The following BICD1 variants were observed in gnomAD, a reference collection of about 807,000 sequenced individuals.
BICD1 encodes BICD cargo adaptor 1.
Under a neutral mutation model 92.5 loss-of-function variants are expected in BICD1, and 35 were observed. The observed-to-expected ratio is 0.38, with a 90% CI of 0.29 to 0.50. The LOEUF is 0.50. Ranked by LOEUF, BICD1 falls within the 20% of genes least tolerant of loss-of-function variation. BICD1 has a pLI of 0.93. For missense variants in BICD1, 950 were observed against 1,189.8 expected (o/e 0.80, Z 2.97); for synonymous variants, 429 against 465.1 (o/e 0.92, Z 1.00).
chr12:32,363,526 T>A (rs2136324701), intron 8 of BICD1, among the ~76,000 whole-genome samples: 1 of 152,374 alleles, frequency 6.6e-6, no homozygotes, highest in Admixed American at 6.5e-5. Context: ...AATGTCTTAT[T>A]ACTGTTACTA....
chr12:32,186,734 A>T (rs1459425405), intron 1 of BICD1, among the ~76,000 whole-genome samples: 1 of 152,088 alleles, frequency 6.6e-6, no homozygotes, highest in East Asian at 1.9e-4. Context: ...TCATTTCTGA[A>T]TTTTTTTCAT....
At chr12:32,361,107 A>G (rs1939307732) in intron 8 of BICD1, among the ~76,000 whole-genome samples, 1 of 152,228 alleles carries the variant, frequency 6.6e-6, no homozygotes, top group Non-Finnish European at 1.5e-5. Context: ...GATGTCTCAG[A>G]TAAGACAAGA....
At chr12:32,219,986 A>G (rs1019181985) in intron 2 of BICD1, among the ~76,000 whole-genome samples, 6 of 152,208 alleles carry the variant, frequency 3.9e-5, no homozygotes, top group Non-Finnish European at 8.8e-5. Context: ...AAAACAAGCA[A>G]TGGGTAAAGG....
At chr12:32,291,338 AC>A (rs1009130254) in intron 2 of BICD1, among the ~76,000 whole-genome samples, 1 of 151,482 alleles carries the variant, frequency 6.6e-6, no homozygotes, top group African/African-American at 2.4e-5. Flanking sequence ...GGCATTCGAG[AC>A]CAGCTTAGGC....
intron 1 of BICD1, among the ~76,000 whole-genome samples, chr12:32,184,731 A>G (rs796434743): frequency 5.3e-5 from 8 of 152,338 alleles, no homozygotes; most frequent in African/African-American, 1.9e-4. Context: ...ATGAATTACA[A>G]CTAAGTCATC....
intron 2 of BICD1, among the ~76,000 whole-genome samples, chr12:32,242,052 CAAAA>C (rs112753735): frequency 0.033 from 4,943 of 149,694 alleles, 301 homozygotes; most frequent in African/African-American, 0.12. Flanking sequence ...AACAAACAAA[CAAAA>C]AAACAAAAAT....
chr12:32,114,117 C>A (rs11051802), intron 1 of BICD1, among the ~76,000 whole-genome samples: 1 of 152,050 alleles, frequency 6.6e-6, no homozygotes, highest in African/African-American at 2.4e-5. Flanking sequence ...GTGATCCACC[C>A]ACCTTGGCCT....
intron 1 of BICD1, among the ~76,000 whole-genome samples, chr12:32,117,768 A>T (rs575173750): frequency 0.34 from 40,539 of 120,022 alleles, 6,129 homozygotes; most frequent in Admixed American, 0.49. Flanking sequence ...ATTTTTTTTT[A>T]AGACCATATT....
chr12:32,244,718 T>C (rs922571822), intron 2 of BICD1, among the ~76,000 whole-genome samples: 5 of 148,900 alleles, frequency 3.4e-5, no homozygotes, highest in African/African-American at 1.2e-4. Flanking sequence ...AACCTCCACC[T>C]CCTGGGTTCA....
chr12:32,356,298 T>C (rs1172089636), intron 8 of BICD1, among the ~76,000 whole-genome samples: 1 of 152,170 alleles, frequency 6.6e-6, no homozygotes, highest in Non-Finnish European at 1.5e-5. Flanking sequence ...ATCTTTCTGA[T>C]GGACTCTAAA....
chr12:32,261,100 T>G (rs1946845868), intron 2 of BICD1, among the ~76,000 whole-genome samples: 1 of 152,186 alleles, frequency 6.6e-6, no homozygotes, highest in African/African-American at 2.4e-5. Flanking sequence ...ATGAGGATGG[T>G]CATGGGGACT....
chr12:32,336,571 T>C (rs911419270), intron 6 of BICD1, among the ~76,000 whole-genome samples: 4 of 152,236 alleles, frequency 2.6e-5, no homozygotes, highest in Non-Finnish European at 5.9e-5. Context: ...TATACTAAAC[T>C]AAAACGTATA....
At position 32,107,429 on chromosome 12, in the gene BICD1, A is replaced by G; in HGVS notation, c.98A>G (p.Gln33Arg). 6.2e-7 allele frequency: 1 copy of G among 1,612,112 alleles called. No individual in the cohort carries two copies. The highest frequency in any genetic ancestry group is 1.3e-5 in the African/African-American group (1 of 75,016). Residue 33 changes from glutamine to arginine, a missense_variant, in exon 1 of 10, where the codon CAG becomes CGG. Gln to Arg is a conservative substitution (Grantham distance 43). Transcript: ENST00000652176. Reference sequence around the variant, plus strand: ...ACGGAGACCACCCACGAGAAGATCCAGGCTGCCGAGTACGGGCTGGTGGTG... The same window carrying G: ...ACGGAGACCACCCACGAGAAGATCCGGGCTGCCGAGTACGGGCTGGTGGTG... Reference protein sequence around the residue: ...ELTETTHEKIQAAEYGLVVLE... With the variant: ...ELTETTHEKIRAAEYGLVVLE...
chr12:32,355,406 G>T (rs1939057297), intron 8 of BICD1, among the ~76,000 whole-genome samples: 1 of 152,184 alleles, frequency 6.6e-6, no homozygotes, highest in Non-Finnish European at 1.5e-5. Context: ...GGGAATTGAA[G>T]AATTATAAGG....
rs1366004646 is a variant in BICD1 at position 32,379,401 on chromosome 12, A to G, written c.*1774A>G. 1 of 152,240 alleles carries G rather than the reference A, an allele frequency of 6.6e-6. No homozygotes were observed. Among genetic ancestry groups the G allele is most frequent in the Non-Finnish European group, 1.5e-5 (1 of 68,034 alleles). 9.4% of individuals were successfully genotyped at this position (152,240 alleles called of 1,614,324 possible). On this transcript the variant is annotated 3_prime_UTR_variant, in exon 10 of 10. Transcript: ENST00000652176. The stretch of plus-strand genomic sequence containing the variant: ...TTTTCCACAGTGTCATTTATTATGC[A>G]ACGTGGAGTAAAGAGTTGAAATCTT...
chr12:32,338,649 AAAGC>A, intron 7 of BICD1, 133 bp from the exon 8 acceptor site: 1 of 749,724 alleles, frequency 1.3e-6, no homozygotes, highest in Non-Finnish European at 2.0e-6. Flanking sequence ...AAAAAAAAAA[AAAGC>A]AAAAAGATTG....
intron 1 of BICD1, among the ~76,000 whole-genome samples, chr12:32,190,932 C>T (rs1249274417): frequency 6.6e-6 from 1 of 152,134 alleles, no homozygotes; most frequent in African/African-American, 2.4e-5. Context: ...AAATTAATAA[C>T]AGGAATTATG....
chr12:32,322,957 C>T (rs1314362727), intron 4 of BICD1, among the ~76,000 whole-genome samples: 1 of 152,186 alleles, frequency 6.6e-6, no homozygotes, highest in African/African-American at 2.4e-5. Context: ...ATAACGTTTA[C>T]ACTTTCCAGT....
At chr12:32,354,924 T>G (rs1052586507) in intron 8 of BICD1, among the ~76,000 whole-genome samples, 1 of 152,226 alleles carries the variant, frequency 6.6e-6, no homozygotes, top group East Asian at 1.9e-4. Flanking sequence ...TTTCAGTTTA[T>G]TTGTTTAGGA....
Sources: allele counts gnomAD v4.1 joint callset (sites outside exome capture counted in the v4.1 genomes callset), GRCh38; gene constraint gnomAD v4.1.1; transcripts MANE v1.5; gene names NCBI Gene and HGNC (gene_info 2026-07-23, HGNC 2026-07-21).